ACVR1: variants seen among roughly 807,000 people sequenced by gnomAD.
ACVR1 encodes activin A receptor type 1, also known as activin receptor type-1.
Under a neutral mutation model 57.1 loss-of-function variants are expected in ACVR1, and 38 were observed. That is an observed-to-expected ratio of 0.67 (90% confidence interval 0.51 to 0.87). The LOEUF (loss-of-function observed/expected upper bound fraction) is 0.87, where lower values mean the gene tolerates loss of function less well. Among genes scored for constraint, ACVR1 ranks in the 40% least tolerant of loss-of-function variants. ACVR1 has a pLI of 0.00. For synonymous variants in ACVR1, 212 were observed against 228.1 expected, an observed-to-expected ratio of 0.93 and a Z score of 0.63; for missense variants, 463 against 638.2, an observed-to-expected ratio of 0.73 and a Z score of 2.96.
chr2:157,781,267 A>G (rs541631233), intron 3 of ACVR1, among the ~76,000 whole-genome samples: 101 of 152,370 alleles, frequency 6.6e-4, no homozygotes, highest in African/African-American at 2.3e-3. Flanking sequence ...AAATGCTCCA[A>G]TGAGCATTTC....
intron 1 of ACVR1, among the ~76,000 whole-genome samples, chr2:157,840,500 C>A (rs1336732698): frequency 2.0e-5 from 3 of 152,090 alleles, no homozygotes; most frequent in African/African-American, 7.2e-5. Context: ...AGTCCATATA[C>A]CTTAATGTGA....
At chr2:157,740,278 C>T (rs138128580) in intron 9 of ACVR1, among the ~76,000 whole-genome samples, 140 of 152,216 alleles carry the variant, frequency 9.2e-4, no homozygotes, top group African/African-American at 3.3e-3. Context: ...AAAACCTTTC[C>T]TGGCAAATCA....
chr2:157,811,697 C>G (rs1687757101), intron 2 of ACVR1, among the ~76,000 whole-genome samples: 1 of 152,088 alleles, frequency 6.6e-6, no homozygotes, highest in African/African-American at 2.4e-5. Context: ...AACATCTCAC[C>G]CAACAAAGTT....
chr2:157,788,418 C>T (rs1353631653), intron 3 of ACVR1, among the ~76,000 whole-genome samples: 3 of 152,178 alleles, frequency 2.0e-5, no homozygotes, highest in South Asian at 4.1e-4. Context: ...ATTTGTCCAG[C>T]GTACCCACAC....
At chr2:157,763,395 T>C (rs1200064804) in intron 8 of ACVR1, among the ~76,000 whole-genome samples, 1 of 152,148 alleles carries the variant, frequency 6.6e-6, no homozygotes, top group Non-Finnish European at 1.5e-5. Flanking sequence ...ATTTAAGTGA[T>C]CATTATAACA....
In ACVR1 at chr2:157,737,147, A is replaced by T; in HGVS notation, c.*384T>A. The T allele has an allele frequency of 2.9e-6, 1 of 344,132 alleles. No homozygotes were observed. Among genetic ancestry groups the T allele is most frequent in the Non-Finnish European group, 5.4e-6 (1 of 184,328 alleles). The allele number at this position is 344,132 out of a possible 1,614,324, so 21.3% of individuals were successfully genotyped here. ...GAAGCACAGGCAATATTGCTGATTAAAAATTCACCACCTCCTTGAGTTTCC... is the reference window on the plus strand; with the variant it reads ...GAAGCACAGGCAATATTGCTGATTATAAATTCACCACCTCCTTGAGTTTCC... On this transcript the variant is annotated 3_prime_UTR_variant, in exon 11 of 11. Transcript: ENST00000434821.
At chr2:157,875,484 T>A (rs527398570) in intron 1 of ACVR1, 2 of 40,540 alleles carry the variant, frequency 4.9e-5, no homozygotes, top group Admixed American at 7.0e-4. Context: ...CTGAAGGAGT[T>A]CACAACACAC....
At chr2:157,814,685 C>T (rs1687868189) in intron 2 of ACVR1, among the ~76,000 whole-genome samples, 1 of 152,196 alleles carries the variant, frequency 6.6e-6, no homozygotes, top group South Asian at 2.1e-4. Flanking sequence ...AAGTTATTCC[C>T]TATAGCTTTG....
In ACVR1 at chr2:157,780,455, G is replaced by T; in HGVS notation, c.213C>A (p.Phe71Leu). 1 of 1,614,106 alleles carries T rather than the reference G, an allele frequency of 6.2e-7. No homozygotes were observed. Among genetic ancestry groups the T allele is most frequent in the Non-Finnish European group, 8.5e-7 (1 of 1,180,016 alleles). ...DGFHVYQKGC[F>L]QVYEQGKMTC... is the part of the protein sequence containing the mutation. ...TCATCTTTCCCTGCTCATAAACCTG[G>T]AAGCAGCCTTTCTGGTAGACGTGGA... The change falls in exon 4 of 11, where the codon TTC (phenylalanine) becomes TTA (leucine). Residue 71 changes from phenylalanine to leucine, a missense_variant. Transcript: ENST00000434821.
At chr2:157,853,383 T>TA (rs570173513) in intron 1 of ACVR1, among the ~76,000 whole-genome samples, 211 of 152,260 alleles carry the variant, frequency 1.4e-3, no homozygotes, top group Non-Finnish European at 2.4e-3. Context: ...AGTTCTCTGA[T>TA]ATCTCTTCTT....
chr2:157,861,937 G>C (rs1689732841), intron 1 of ACVR1, among the ~76,000 whole-genome samples: 1 of 152,134 alleles, frequency 6.6e-6, no homozygotes, highest in South Asian at 2.1e-4. Context: ...TGTCACACTA[G>C]AGAGGTACAG....
intron 9 of ACVR1, among the ~76,000 whole-genome samples, chr2:157,748,938 A>G (rs1054456292): frequency 6.6e-6 from 1 of 152,224 alleles, no homozygotes; most frequent in African/African-American, 2.4e-5. Context: ...AACAGCTATT[A>G]GAGACTTCAT....
chr2:157,764,863 T>C lies in ACVR1; in HGVS notation c.1066+1058A>G, dbSNP rs186731448. Among the ~76,000 whole-genome samples the C allele has an allele frequency of 2.0e-3, 309 of 152,216 alleles. 1 individual carries two copies. Among genetic ancestry groups the C allele is most frequent in the African/African-American group, 7.2e-3 (297 of 41,538 alleles). ...TCTTTCGTCTCCTACTTGGGAAACA[T>C]TGTAATTTCTCAATGTAAAAGCAAA... On this transcript the variant is annotated intron_variant, in intron 8 of 10. Transcript: ENST00000434821.
chr2:157,816,598 A>AAATAGT (rs1166242160), intron 2 of ACVR1, among the ~76,000 whole-genome samples: 1 of 145,952 alleles, frequency 6.9e-6, no homozygotes, highest in African/African-American at 2.8e-5. Context: ...CCCTGCCTCA[A>AAATAGT]AATAGTAATA....
intron 1 of ACVR1, among the ~76,000 whole-genome samples, chr2:157,832,369 G>A (rs1688613124): frequency 6.6e-6 from 1 of 152,148 alleles, no homozygotes; most frequent in Admixed American, 6.6e-5. Flanking sequence ...AAACTAACAG[G>A]AAAGACAAAA....
intron 2 of ACVR1, among the ~76,000 whole-genome samples, chr2:157,801,734 ATTTAT>A (rs1198766446): frequency 2.6e-5 from 4 of 152,166 alleles, no homozygotes; most frequent in African/African-American, 9.6e-5. Context: ...ATATGTACTT[ATTTAT>A]TTTATATAAA....
At chr2:157,820,791 C>A (rs574186926) in intron 1 of ACVR1, among the ~76,000 whole-genome samples, 11 of 152,238 alleles carry the variant, frequency 7.2e-5, no homozygotes, top group African/African-American at 1.9e-4. Flanking sequence ...GCACTTAATT[C>A]TCTGCCATGC....
At chr2:157,825,292 CCTT>C (rs1486444446) in intron 1 of ACVR1, among the ~76,000 whole-genome samples, 2 of 152,124 alleles carry the variant, frequency 1.3e-5, no homozygotes, top group Admixed American at 1.3e-4. Context: ...TTCTAATTCT[CCTT>C]CATTTTTTTC....
intron 2 of ACVR1, among the ~76,000 whole-genome samples, chr2:157,803,744 A>G (rs1433718517): frequency 6.6e-6 from 1 of 152,180 alleles, no homozygotes; most frequent in African/African-American, 2.4e-5. Context: ...GCCTTACTCC[A>G]GTATTTTTTA....
Sources: allele counts gnomAD v4.1 joint callset (sites outside exome capture counted in the v4.1 genomes callset), GRCh38; gene constraint gnomAD v4.1.1; transcripts MANE v1.5; gene names NCBI Gene and HGNC (gene_info 2026-07-23, HGNC 2026-07-21).